PKD1L1: variants seen among roughly 807,000 people sequenced by gnomAD.
PKD1L1 encodes polycystin 1 like 1, transient receptor potential channel interacting.
Under a neutral mutation model 323.4 loss-of-function variants are expected in PKD1L1, and 236 were observed. The observed-to-expected ratio is 0.73, with a 90% confidence interval of 0.66 to 0.81. The LOEUF (loss-of-function observed/expected upper bound fraction) is 0.81, where lower values mean the gene tolerates loss of function less well. Ranked by LOEUF, PKD1L1 falls within the 40% of genes least tolerant of loss-of-function variation. The pLI is 0.00. For synonymous variants in PKD1L1, 1,344 were observed against 1,335.0 expected, an observed-to-expected ratio of 1.01 and a Z score of -0.15; for missense variants, 3,320 against 3,508.0, an observed-to-expected ratio of 0.95 and a Z score of 1.35.
At chr7:47,791,287 T>C (rs886306763) in intron 56 of PKD1L1, among the ~76,000 whole-genome samples, 2 of 152,328 alleles carry the variant, frequency 1.3e-5, no homozygotes, top group Admixed American at 1.3e-4. Flanking sequence ...TAACTTTTTT[T>C]CTCTTGCAGA....
Position 47,893,825 on chromosome 7 carries a change from GC to G in PKD1L1, c.2453+52del, listed in dbSNP as rs1213318200. On this transcript the variant is annotated intron_variant, in intron 15 of 56. Transcript: ENST00000289672. Reference sequence around the variant, plus strand: ...CTCCAACGTTCCAGAGCCTGCATTTGCAGAATGCGCGGTCTGAGTAGCTGCG... The same window carrying G: ...CTCCAACGTTCCAGAGCCTGCATTTGAGAATGCGCGGTCTGAGTAGCTGCG... The G allele has an allele frequency of 1.3e-5, 20 of 1,551,984 alleles. No homozygotes were observed. In the African/African-American group the frequency reaches 2.3e-4, roughly 18 times the overall value.
At chr7:47,791,453 C>T (rs1331253678) in intron 56 of PKD1L1, among the ~76,000 whole-genome samples, 1 of 108,936 alleles carries the variant, frequency 9.2e-6, no homozygotes, top group African/African-American at 3.2e-5. Context: ...ACTGTCATTT[C>T]AAAGAGACAT....
Position 47,811,829 on chromosome 7 carries a change from G to A in PKD1L1, c.7569C>T (p.Leu2523=). Residue 2523 remains leucine (L), a synonymous_variant, in exon 50 of 57, where the codon CTC becomes CTT. Transcript: ENST00000289672. The part of the protein sequence containing the change: ...FRSDSALQYH[L]MLPQLVFLAL... ...CAGGTCAGCTCACCTGGGGAAGCAT[G>A]AGGTGGTACTGCAGGGCTGAGTCGC... 1.9e-6 allele frequency: 3 copies of A among 1,604,222 alleles called. No homozygotes were observed. In the South Asian group the frequency reaches 3.4e-5, roughly 18 times the overall value.
chr7:47,935,752 G>A (rs1787856345), intron 4 of PKD1L1, among the ~76,000 whole-genome samples: 1 of 152,208 alleles, frequency 6.6e-6, no homozygotes, highest in African/African-American at 2.4e-5. Flanking sequence ...TCAGGTTTGA[G>A]GATTTTACAA....
chr7:47,866,589 A>G lies in PKD1L1; in HGVS notation c.3922T>C (p.Ser1308Pro), dbSNP rs766329980. ...TAACTCCCCATCAGCTGGAGGGTAG[A>G]AAGGTTTTTCAGGCTGGAATTATAC... Reference protein sequence around the residue: ...DLYNSSLKNLSTLQLMGSYTE... With the variant: ...DLYNSSLKNLPTLQLMGSYTE... Residue 1308 changes from serine to proline, a missense_variant, in exon 25 of 57, where the codon TCT (serine) becomes CCT (proline). Physicochemically the swap from Ser to Pro is moderately conservative, Grantham distance 74. Coordinates refer to ENST00000289672, the MANE Select transcript of PKD1L1 (RefSeq NM_138295.5). The G allele has an allele frequency of 6.2e-7, 1 of 1,609,790 alleles. No individual in the cohort carries two copies. Among genetic ancestry groups the G allele is most frequent in the Non-Finnish European group, 8.5e-7 (1 of 1,177,588 alleles).
chr7:47,790,793 C>T (rs915845393), intron 56 of PKD1L1, among the ~76,000 whole-genome samples: 8 of 149,776 alleles, frequency 5.3e-5, no homozygotes, highest in African/African-American at 1.2e-4. Flanking sequence ...TTTTTTGAGA[C>T]GTGGTCTCAC....
rs368138078 is a variant in PKD1L1, at chr7:47,815,392, G to A, written c.7031C>T (p.Thr2344Ile). The change falls in exon 47 of 57, where the codon ACA (threonine) becomes ATA (isoleucine). Residue 2344 changes from threonine (T) to isoleucine (I), a missense_variant. By Grantham distance (89) the Thr-to-Ile change is moderately conservative. Coordinates refer to ENST00000289672, the MANE Select transcript of PKD1L1 (RefSeq NM_138295.5). ...IADWWDWSLT[T>I]LLDGLYPGGT... ...TCCCGGGTACAGGCCATCCAGAAGT[G>A]TGGTCAGACTCCAGTCCCACCAGTC... is the stretch of plus-strand genomic sequence containing the variant. 2.2e-5 allele frequency: 35 copies of A among 1,614,026 alleles called. No homozygotes were observed. The highest frequency in any genetic ancestry group is 9.3e-5 in the African/African-American group (7 of 74,930).
Position 47,842,933 on chromosome 7 carries a change from C to T in PKD1L1, c.5445+29G>A, listed in dbSNP as rs147147991. The T allele has an allele frequency of 4.3e-5, 69 of 1,593,674 alleles. 1 individual carries two copies. In the African/African-American group the frequency reaches 6.5e-4, roughly 15 times the overall value. Reference sequence around the variant, plus strand: ...GATGTTGACACTGCTTAGACACCATCAAAGAGTACCCCCAGATGCTCGAGC... The same window carrying T: ...GATGTTGACACTGCTTAGACACCATTAAAGAGTACCCCCAGATGCTCGAGC... On this transcript the variant is annotated intron_variant, in intron 34 of 56. Transcript: ENST00000289672.
At position 47,936,916 on chromosome 7, in the gene PKD1L1, TA is replaced by T; in HGVS notation, c.327del (p.Asn110MetfsTer32). Reference sequence around the variant, plus strand: ...TTAACAACAGCCTGTGTTTTTTCATTAACAACACTTAACGCTGCTTCACTAG... The same window carrying T: ...TTAACAACAGCCTGTGTTTTTTCATTACAACACTTAACGCTGCTTCACTAG... ...KTTSEAALSV[V>X]NEKTQAVVNE... is the part of the protein sequence containing the mutation. On this transcript the variant is annotated frameshift_variant, in exon 4 of 57. Coordinates refer to ENST00000289672, the MANE Select transcript of PKD1L1 (RefSeq NM_138295.5). LOFTEE classifies it high-confidence loss of function. 6.2e-7 allele frequency: 1 copy of T among 1,613,810 alleles called. No homozygotes were observed. Among genetic ancestry groups the T allele is most frequent in the Non-Finnish European group, 8.5e-7 (1 of 1,179,940 alleles).
At chr7:47,857,505 T>G in intron 28 of PKD1L1, 100 bp downstream of exon 28, 1 of 994,540 alleles carries the variant, frequency 1.0e-6, no homozygotes, top group Non-Finnish European at 1.5e-6. Flanking sequence ...AAAAAACAGG[T>G]GCAAATATGC....
At chr7:47,835,680 C>T (rs909762404) in intron 37 of PKD1L1, among the ~76,000 whole-genome samples, 3 of 152,096 alleles carry the variant, frequency 2.0e-5, no homozygotes, top group Non-Finnish European at 2.9e-5. Flanking sequence ...GGATTACAGG[C>T]GTGAGCTACT....
At position 47,897,977 on chromosome 7, in the gene PKD1L1, A is replaced by G. The variant is rs756667537; in HGVS notation, c.2271+11T>C. The G allele has an allele frequency of 1.3e-6, 2 of 1,593,620 alleles. No individual in the cohort carries two copies. Among genetic ancestry groups the G allele is most frequent in the Non-Finnish European group, 1.7e-6 (2 of 1,168,904 alleles). On this transcript the variant is annotated intron_variant, in intron 14 of 56. Coordinates refer to ENST00000289672, the MANE Select transcript of PKD1L1 (RefSeq NM_138295.5). Reference sequence around the variant, plus strand: ...CATTGGGCCAGTAGAGCAGTAAGTCAGCCAGCTGACCTTGGCAAGGGCAGT... The same window carrying G: ...CATTGGGCCAGTAGAGCAGTAAGTCGGCCAGCTGACCTTGGCAAGGGCAGT...
chr7:47,897,945 T>G (rs764036408), intron 14 of PKD1L1, 43 bp downstream of exon 14: 3 of 1,458,150 alleles, frequency 2.1e-6, no homozygotes, highest in Non-Finnish European at 2.8e-6. Context: ...ATGAGAAGCA[T>G]GGGTTTCATT....
At chr7:47,903,031 A>G (rs996314055) in intron 12 of PKD1L1, among the ~76,000 whole-genome samples, 1 of 152,172 alleles carries the variant, frequency 6.6e-6, no homozygotes, top group African/African-American at 2.4e-5. Flanking sequence ...GTCTCCGGGT[A>G]AGGGGAGCAT....
At chr7:47,868,544 A>G (rs1786214721) in intron 24 of PKD1L1, among the ~76,000 whole-genome samples, 1 of 152,194 alleles carries the variant, frequency 6.6e-6, no homozygotes, top group Non-Finnish European at 1.5e-5. Flanking sequence ...AGCAATTTCT[A>G]AAAATATATT....
chr7:47,839,653 G>C lies in PKD1L1; in HGVS notation c.5562C>G (p.Ala1854=). The change falls in exon 36 of 57, where the codon GCC becomes GCG. Residue 1854 remains alanine, a synonymous_variant. Coordinates refer to ENST00000289672, the MANE Select transcript of PKD1L1 (RefSeq NM_138295.5). This position sits in a 1 kb window ranked among gnomAD's most constrained non-coding sequence, Gnocchi z 4.3. The stretch of plus-strand genomic sequence containing the variant: ...GGATCTTCCTCAGCAGGCCCAGTTG[G>C]GCAGGAGCGCTGGAGGCACACACAG... The part of the protein sequence containing the change: ...SRHTFILSAP[A]QLGLLRKIRL... 1 of 1,567,062 alleles carries C rather than the reference G, an allele frequency of 6.4e-7. No homozygotes were observed. The highest frequency in any genetic ancestry group is 8.7e-7 in the Non-Finnish European group (1 of 1,155,562).
chr7:47,827,414 T>C lies in PKD1L1; in HGVS notation c.6790A>G (p.Lys2264Glu). 6.2e-7 allele frequency: 1 copy of C among 1,613,236 alleles called. No individual in the cohort carries two copies. The highest frequency in any genetic ancestry group is 8.5e-7 in the Non-Finnish European group (1 of 1,179,848). ...RHLRWAHPPS[K>E]AQLRGTRQRM... ...TGTCTGGTGCCCCTCAGCTGGGCCT[T>C]GGATGGTGGATGCGCCCAGCGCAGG... Residue 2264 changes from lysine (K) to glutamate (E), a missense_variant, in exon 45 of 57, where the codon AAG becomes GAG. Lys to Glu is a moderately conservative substitution (Grantham distance 56, BLOSUM62 1). Transcript: ENST00000289672.
chr7:47,957,858 A>ATATATATATATATATAT, the PKD1L1 span, among the ~76,000 whole-genome samples: 55 of 48,146 alleles, frequency 1.1e-3, no homozygotes, highest in Non-Finnish European at 2.1e-3. Flanking sequence ...TACAATTAAA[A>ATATATATATATATATAT]AAAAATATAT....
In PKD1L1 at chr7:47,877,575, G is replaced by A. The variant is rs547979351; in HGVS notation, c.3577C>T (p.Pro1193Ser). ...AQLYLTVNPA[P>S]RDMACQVQPH... ...TGCACCTGACAGGCCATGTCCCGAG[G>A]AGCCGGGTTGACTGTCAAGTACAGC... Residue 1193 changes from proline (P) to serine (S), a missense_variant, in exon 22 of 57, where the codon CCT becomes TCT. Transcript: ENST00000289672. 5 of 1,614,128 alleles carry A rather than the reference G, an allele frequency of 3.1e-6. No homozygotes were observed. The highest frequency in any genetic ancestry group is 1.1e-5 in the South Asian group (1 of 91,086).
Sources: allele counts gnomAD v4.1 joint callset (sites outside exome capture counted in the v4.1 genomes callset), GRCh38; gene constraint gnomAD v4.1.1; non-coding constraint Gnocchi (gnomAD v3.1); transcripts MANE v1.5; gene names NCBI Gene and HGNC (gene_info 2026-07-23, HGNC 2026-07-21).